The following HUNK variants were observed in gnomAD, a reference collection of about 807,000 sequenced individuals.
HUNK encodes the protein hormonally up-regulated neu tumor-associated kinase.
Under a neutral mutation model 61.0 loss-of-function variants are expected in HUNK, and 21 were observed. The ratio of observed to expected loss-of-function variants is 0.34; its 90% CI spans 0.24 to 0.50. HUNK has a LOEUF of 0.50. HUNK is among the 20% of genes least tolerant of loss of function. HUNK has a pLI of 0.98. For synonymous variants in HUNK, 371 were observed against 386.1 expected (o/e 0.96, Z 0.46); for missense variants, 772 against 945.7 (o/e 0.82, Z 2.41).
chr21:31,937,154 T>C (rs2052738182), intron 2 of HUNK, among the ~76,000 whole-genome samples: 2 of 152,260 alleles, frequency 1.3e-5, no homozygotes, highest in Non-Finnish European at 2.9e-5. Flanking sequence ...ACATCTTCAG[T>C]ATCTTCAGAA....
At chr21:31,886,257 A>G (rs1192655395) in intron 1 of HUNK, among the ~76,000 whole-genome samples, 2 of 152,250 alleles carry the variant, frequency 1.3e-5, no homozygotes, top group East Asian at 3.9e-4. Flanking sequence ...CCCTGTCTCT[A>G]TGAAAAATAC....
chr21:31,970,660 C>T (rs893587905), intron 6 of HUNK, among the ~76,000 whole-genome samples: 2 of 152,134 alleles, frequency 1.3e-5, no homozygotes, highest in African/African-American at 4.8e-5. Context: ...ATAATCAATC[C>T]ACTCAATGCG....
intron 2 of HUNK, among the ~76,000 whole-genome samples, chr21:31,930,356 C>T (rs1391685360): frequency 6.6e-6 from 1 of 152,224 alleles, no homozygotes; most frequent in Non-Finnish European, 1.5e-5. Context: ...TCTGTAATTA[C>T]TACTCAGTCC....
intron 1 of HUNK, among the ~76,000 whole-genome samples, chr21:31,912,049 A>C (rs957452124): frequency 1.3e-5 from 2 of 152,128 alleles, no homozygotes; most frequent in Non-Finnish European, 2.9e-5. Flanking sequence ...CGTCAGTTGT[A>C]CGGCTGCTGT....
At chr21:31,960,931 C>G (rs1023710794) in intron 5 of HUNK, among the ~76,000 whole-genome samples, 3 of 152,130 alleles carry the variant, frequency 2.0e-5, no homozygotes, top group African/African-American at 7.2e-5. Context: ...AACCCATTGA[C>G]CTTGTTCAGA....
intron 4 of HUNK, among the ~76,000 whole-genome samples, chr21:31,955,723 A>G (rs1002695307): frequency 1.3e-5 from 2 of 152,272 alleles, no homozygotes; most frequent in Non-Finnish European, 2.9e-5. Flanking sequence ...TACCAAAAAG[A>G]AAATAAAAAT....
chr21:31,931,915 C>A (rs1373691714), intron 2 of HUNK, among the ~76,000 whole-genome samples: 1 of 152,100 alleles, frequency 6.6e-6, no homozygotes, highest in African/African-American at 2.4e-5. Context: ...GTGATGCATG[C>A]ACGCGCGCAC....
intron 4 of HUNK, among the ~76,000 whole-genome samples, chr21:31,952,808 G>C (rs1415677323): frequency 7.2e-6 from 1 of 139,520 alleles, no homozygotes; most frequent in Non-Finnish European, 1.5e-5. Context: ...GTTTTCTTCT[G>C]TCCTGCGATA....
intron 5 of HUNK, among the ~76,000 whole-genome samples, chr21:31,967,689 C>T (rs575941463): frequency 1.2e-4 from 18 of 152,284 alleles, no homozygotes; most frequent in Admixed American, 7.2e-4. Flanking sequence ...AAAGCAGGAC[C>T]TCTCTGGCCC....
At position 31,873,821 on chromosome 21, in the gene HUNK, C is replaced by T. The variant is rs1286960912; in HGVS notation, c.147C>T (p.Leu49=). 4.4e-6 allele frequency: 7 copies of T among 1,578,112 alleles called. No homozygotes were observed. In the Admixed American group the frequency reaches 1.2e-4, roughly 28 times the overall value. The change falls in exon 1 of 11, where the codon CTC becomes CTT. Residue 49 remains leucine (L), a synonymous_variant. Transcript: ENST00000270112. The surrounding 1 kb of genome is among the most constrained non-coding windows in gnomAD (Gnocchi z 6.1). The stretch of plus-strand genomic sequence containing the variant: ...TGAGCGGCGTGCCCCGCGAGCGGCT[C>T]CGCGACTTCCAGCACCACAAGCGCG... ...AWVSGVPRER[L]RDFQHHKRVG...
intron 10 of HUNK, among the ~76,000 whole-genome samples, chr21:31,996,979 T>C (rs1432728665): frequency 6.6e-6 from 1 of 152,236 alleles, no homozygotes; most frequent in Non-Finnish European, 1.5e-5. Context: ...GAAGTTTTAC[T>C]TCTTTCTGCT....
chr21:31,979,848 T>C (rs2053082907), intron 7 of HUNK, among the ~76,000 whole-genome samples: 1 of 152,150 alleles, frequency 6.6e-6, no homozygotes, highest in Non-Finnish European at 1.5e-5. Flanking sequence ...AGATGTATGG[T>C]TTACAAATAT....
intron 5 of HUNK, among the ~76,000 whole-genome samples, chr21:31,967,557 A>G (rs1436084829): frequency 6.6e-6 from 1 of 152,052 alleles, no homozygotes; most frequent in Non-Finnish European, 1.5e-5. Flanking sequence ...AAGGAAACCC[A>G]GGGCATTTAA....
intron 1 of HUNK, among the ~76,000 whole-genome samples, chr21:31,892,664 A>G (rs2052399549): frequency 6.6e-6 from 1 of 152,128 alleles, no homozygotes; most frequent in East Asian, 1.9e-4. Flanking sequence ...TTCCGCCTTA[A>G]AAGTATGTAT....
chr21:31,896,189 G>A (rs1326596278), intron 1 of HUNK, among the ~76,000 whole-genome samples: 1 of 152,300 alleles, frequency 6.6e-6, no homozygotes, highest in East Asian at 1.9e-4. Context: ...ATACAGTTCT[G>A]TTGTTGGAGC....
rs1177565781 is a variant in HUNK at position 32,000,531 on chromosome 21, C to T, written c.*1347C>T. The T allele has an allele frequency of 5.0e-6, 2 of 399,196 alleles. No individual in the cohort carries two copies. The highest frequency in any genetic ancestry group is 7.1e-5 in the East Asian group (2 of 28,086). The allele number at this position is 399,196 out of a possible 1,614,324, so 24.7% of individuals were successfully genotyped here. ...GTGAGAAGAATCAGAAAAAGAAGAC[C>T]CATCAGCACAGGTTGGATAGGGGTT... On this transcript the variant is annotated 3_prime_UTR_variant, in exon 11 of 11. Transcript: ENST00000270112.
chr21:31,998,962 G>A lies in HUNK; in HGVS notation c.1923G>A (p.Pro641=), dbSNP rs147755076. ...AGGAGGGCCTGTGTTGCCCACCTCC[G>A]GTTCCCAGCAATGGCCCCATGCAGC... ...PKEEGLCCPP[P]VPSNGPMQPL... is the part of the protein sequence containing the mutation. The change falls in exon 11 of 11, where the codon CCG becomes CCA. Residue 641 remains proline, a synonymous_variant. Transcript: ENST00000270112. 29 of 1,614,158 alleles carry A rather than the reference G, an allele frequency of 1.8e-5. No individual in the cohort carries two copies. The highest frequency in any genetic ancestry group is 8.3e-5 in the Admixed American group (5 of 60,026).
At chr21:31,995,020 A>G (rs1402436815) in intron 9 of HUNK, among the ~76,000 whole-genome samples, 1 of 152,106 alleles carries the variant, frequency 6.6e-6, no homozygotes, top group Admixed American at 6.6e-5. Flanking sequence ...ATAGCTGGGC[A>G]TGGTGATGCA....
chr21:31,950,013 C>T (rs897965737), intron 4 of HUNK, among the ~76,000 whole-genome samples: 1 of 152,176 alleles, frequency 6.6e-6, no homozygotes, highest in African/African-American at 2.4e-5. Context: ...CATGACACAG[C>T]CAGCGTGTGA....
Sources: gnomAD v4.1 joint callset for allele counts (sites outside exome capture counted in the v4.1 genomes callset) on GRCh38, gnomAD v4.1.1 for gene constraint, Gnocchi (gnomAD v3.1) non-coding constraint, MANE v1.5 for transcripts, NCBI Gene and HGNC (gene_info 2026-07-23, HGNC 2026-07-21) for gene names.